MICU3: variants seen among roughly 807,000 people sequenced by gnomAD.
MICU3 encodes calcium uptake protein 3, mitochondrial.
A neutral mutation model predicts 66.5 loss-of-function variants in MICU3; 62 were observed. That is an observed-to-expected ratio of 0.93 (90% CI 0.76 to 1.15). The LOEUF (loss-of-function observed/expected upper bound fraction) is 1.15, where lower values mean the gene tolerates loss of function less well. Among genes scored for constraint, MICU3 ranks in the 50% most tolerant of loss-of-function variants. MICU3 has a pLI of 0.00. For missense variants in MICU3, 779 were observed against 664.4 expected, an observed-to-expected ratio of 1.17 and a Z score of -1.90; for synonymous variants, 308 against 240.7, an observed-to-expected ratio of 1.28 and a Z score of -2.59.
rs571117170 is a variant in MICU3 at position 17,039,128 on chromosome 8, T to A, written c.381+11468T>A. On this transcript the variant is annotated intron_variant, in intron 1 of 14. Coordinates refer to ENST00000318063, the MANE Select transcript of MICU3 (RefSeq NM_181723.3). The stretch of plus-strand genomic sequence containing the variant: ...AGGCTCAGATGATCATTAGCACTTT[T>A]TTAGCAATAAAGTATTTTTAAATTA... 1.7e-4 allele frequency among the ~76,000 whole-genome samples: 26 copies of A among 152,282 alleles called. No individual in the cohort carries two copies. The East Asian group carries it at 4.2e-3, about 25-fold the overall frequency.
At chr8:17,053,973 T>C (rs1357846578) in intron 1 of MICU3, among the ~76,000 whole-genome samples, 1 of 152,228 alleles carries the variant, frequency 6.6e-6, no homozygotes, top group Non-Finnish European at 1.5e-5. Flanking sequence ...GTTTCTACTG[T>C]GTGGCCTCAC....
At chr8:17,089,611 C>A (rs1253279434) in intron 7 of MICU3, among the ~76,000 whole-genome samples, 1 of 151,876 alleles carries the variant, frequency 6.6e-6, no homozygotes, top group Non-Finnish European at 1.5e-5. Flanking sequence ...GGCTCAGGAG[C>A]CAGATTTTTG....
chr8:17,103,473 C>G (rs1306961221), intron 9 of MICU3, among the ~76,000 whole-genome samples: 3 of 151,756 alleles, frequency 2.0e-5, no homozygotes, highest in South Asian at 4.2e-4. Flanking sequence ...ATTATTTAAA[C>G]TCTTTTTTCA....
At chr8:17,106,843 G>A (rs146174499) in intron 11 of MICU3, among the ~76,000 whole-genome samples, 5 of 151,268 alleles carry the variant, frequency 3.3e-5, no homozygotes, top group East Asian at 1.9e-4. Flanking sequence ...TACTTAGACC[G>A]TTGTCCAAGG....
intron 1 of MICU3, among the ~76,000 whole-genome samples, chr8:17,051,624 C>G (rs1049824860): frequency 2.6e-5 from 4 of 152,088 alleles, no homozygotes; most frequent in Admixed American, 6.6e-5. Context: ...TGAAATCTTA[C>G]AAACAGAAAA....
chr8:17,076,908 A>G (rs897633906), intron 3 of MICU3, among the ~76,000 whole-genome samples: 1 of 152,162 alleles, frequency 6.6e-6, no homozygotes, highest in South Asian at 2.1e-4. Flanking sequence ...GTGTTTGTCT[A>G]ATGTGTTTCT....
chr8:17,070,026 A>G (rs1819313759), intron 3 of MICU3, among the ~76,000 whole-genome samples: 1 of 152,076 alleles, frequency 6.6e-6, no homozygotes, highest in African/African-American at 2.4e-5. Context: ...TATACCTAGT[A>G]AATACATGCC....
At position 17,121,455 on chromosome 8, in the gene MICU3, C is replaced by T. The variant is rs999643851; in HGVS notation, c.*1168C>T. On this transcript the variant is annotated 3_prime_UTR_variant, in exon 15 of 15. Transcript: ENST00000318063. ...TGATAATACTTAATAGAAATCTGTT[C>T]AATTAAAAATGCTTAGTTTATACAA... 1.3e-5 allele frequency: 2 copies of T among 151,680 alleles called. No homozygotes were observed. Among genetic ancestry groups the T allele is most frequent in the African/African-American group, 4.8e-5 (2 of 41,360 alleles). 9.4% of individuals were successfully genotyped at this position (151,680 alleles called of 1,614,324 possible).
intron 1 of MICU3, among the ~76,000 whole-genome samples, chr8:17,031,270 TATTATTATTATTA>T (rs1812006189): frequency 1.4e-5 from 2 of 146,278 alleles, no homozygotes; most frequent in African/African-American, 5.0e-5. Flanking sequence ...CATTTATTAT[TATTATTATTATTA>T]TTATTATTAT....
downstream of MICU3, among the ~76,000 whole-genome samples, chr8:17,127,281 T>G (rs183181361): frequency 3.1e-3 from 468 of 152,344 alleles, 2 homozygotes; most frequent in African/African-American, 0.011. Context: ...ATGTACCATT[T>G]GTGCTGTAAT....
chr8:17,060,452 C>A (rs760343850), intron 1 of MICU3, among the ~76,000 whole-genome samples: 1 of 152,102 alleles, frequency 6.6e-6, no homozygotes, highest in East Asian at 1.9e-4. Context: ...GGATTACAGG[C>A]ATGCGTGCAC....
intron 8 of MICU3, among the ~76,000 whole-genome samples, chr8:17,096,314 A>C (rs891821398): frequency 1.3e-5 from 2 of 151,888 alleles, no homozygotes; most frequent in African/African-American, 2.4e-5. Context: ...TTGCTATTAA[A>C]ATCTAGTCTG....
At chr8:17,135,476 T>C in the MICU3 span, among the ~76,000 whole-genome samples, 2 of 152,034 alleles carry the variant, frequency 1.3e-5, no homozygotes, top group Admixed American at 6.6e-5. Flanking sequence ...CTGATTTTAT[T>C]TGTTCAGCAC....
intron 1 of MICU3, among the ~76,000 whole-genome samples, chr8:17,055,943 AT>A (rs1463678760): frequency 1.3e-5 from 2 of 152,202 alleles, no homozygotes; most frequent in African/African-American, 4.8e-5. Flanking sequence ...TCAGCTAGAC[AT>A]GTCTCTTAAG....
intron 11 of MICU3, among the ~76,000 whole-genome samples, chr8:17,109,286 G>T (rs887418805): frequency 6.6e-6 from 1 of 151,936 alleles, no homozygotes; most frequent in African/African-American, 2.4e-5. Context: ...TGGATAGATG[G>T]TATTTTAAAA....
At chr8:17,113,074 G>C (rs942925989) in intron 11 of MICU3, among the ~76,000 whole-genome samples, 19 of 152,248 alleles carry the variant, frequency 1.2e-4, no homozygotes, top group African/African-American at 4.6e-4. Context: ...AGTAAAAGAT[G>C]AGTTGTAATT....
At chr8:17,097,285 C>G (rs965235811) in intron 8 of MICU3, among the ~76,000 whole-genome samples, 3 of 151,602 alleles carry the variant, frequency 2.0e-5, no homozygotes. Context: ...CTATATTTAG[C>G]TAGTCTTCCC....
chr8:17,096,853 C>T (rs1167758871), intron 8 of MICU3, among the ~76,000 whole-genome samples: 5 of 151,816 alleles, frequency 3.3e-5, no homozygotes, highest in Non-Finnish European at 7.4e-5. Flanking sequence ...AATATCCTAA[C>T]CCCAACATTT....
chr8:17,081,624 A>C, intron 4 of MICU3, 69 bp from the exon 5 acceptor site: 1 of 433,184 alleles, frequency 2.3e-6, no homozygotes, highest in Non-Finnish European at 4.1e-6. Flanking sequence ...CTACAAGCTC[A>C]TTATTTATAG....
Sources: allele counts gnomAD v4.1 joint callset (sites outside exome capture counted in the v4.1 genomes callset), GRCh38; gene constraint gnomAD v4.1.1; transcripts MANE v1.5; gene names NCBI Gene and HGNC (gene_info 2026-07-23, HGNC 2026-07-21).